The following DNAJC4 variants were observed in gnomAD, a reference collection of about 807,000 sequenced individuals.
DNAJC4 encodes the protein DnaJ heat shock protein family (Hsp40) member C4.
DNAJC4 carries 26 observed loss-of-function variants against 26.8 expected under a neutral mutation model. That is an observed-to-expected ratio of 0.97 (90% CI 0.71 to 1.34). The LOEUF (loss-of-function observed/expected upper bound fraction) is 1.34, where lower values mean the gene tolerates loss of function less well. DNAJC4 is among the 40% of genes most tolerant of loss of function. The probability of loss-of-function intolerance (pLI) is 0.00; values close to 1 mark genes in which losing one functional copy is unlikely to be tolerated. For missense variants in DNAJC4, 342 were observed against 321.1 expected (o/e 1.07, Z -0.50); for synonymous variants, 134 against 127.8 (o/e 1.05, Z -0.33).
chr11:64,231,654 T>C (rs1441190990), intron 1 of DNAJC4: 17 of 522,218 alleles, frequency 3.3e-5, no homozygotes, highest in Non-Finnish European at 2.0e-5. Context: ...ATCAGTTTTT[T>C]CCAACAAGTT....
In DNAJC4 at chr11:64,234,205, C is replaced by T. The variant is rs780541959; in HGVS notation, c.*21C>T. 6 of 1,539,794 alleles carry T rather than the reference C, an allele frequency of 3.9e-6. No homozygotes were observed. The highest frequency in any genetic ancestry group is 2.0e-4 in the Middle Eastern group (1 of 4,938). ...CCTGAGGGGCTCACCTGGATGGGGC[C>T]TGCAGTGCGTTCCCGCTTTGCTTCC... On this transcript the variant is annotated 3_prime_UTR_variant, in exon 6 of 6. Transcript: ENST00000628077. The surrounding 1 kb of genome is among the most constrained non-coding windows in gnomAD (Gnocchi z 5.3).
chr11:64,233,375 A>G (rs551727059), intron 4 of DNAJC4: 7 of 159,826 alleles, frequency 4.4e-5, no homozygotes, highest in African/African-American at 1.7e-4. Context: ...AGTAGCTGGG[A>G]CTACAGGCGT....
intron 1 of DNAJC4, 120 bp downstream of exon 1, chr11:64,231,060 C>A: frequency 8.0e-7 from 1 of 1,249,536 alleles, no homozygotes; most frequent in Non-Finnish European, 1.1e-6. Flanking sequence ...TCAGGTAACC[C>A]TCGCCTTCCC....
In DNAJC4 at chr11:64,232,163, T is replaced by G. The variant is rs1234238960; in HGVS notation, c.180+199T>G. 9 of 712,846 alleles carry G rather than the reference T, an allele frequency of 1.3e-5. No individual in the cohort carries two copies. The African/African-American group carries it at 1.4e-4, about 11-fold the overall frequency. The allele number at this position is 712,846 out of a possible 1,614,324, so 44.2% of individuals were successfully genotyped here. ...TCCTGTCTGATGGGCTGGGCTTGGT[T>G]TTCTTGACCTGCCTGCCTGCTCTTG... On this transcript the variant is annotated intron_variant, in intron 2 of 5. Transcript: ENST00000628077.
rs768979824 is a variant in DNAJC4 at position 64,232,582 on chromosome 11, A to C, written c.333A>C (p.Thr111=). The change falls in exon 3 of 6, where the codon ACA becomes ACC. Residue 111 remains threonine (T), a synonymous_variant. Transcript: ENST00000628077. ...GTCCCCCAAAGTCTCCACGAACCACAGTCCATGACAAGTCTGCCCACCAAA... is the reference window on the plus strand; with the variant it reads ...GTCCCCCAAAGTCTCCACGAACCACCGTCCATGACAAGTCTGCCCACCAAA... The part of the protein sequence containing the change: ...SGSPPKSPRT[T]VHDKSAHQTH... 3.7e-6 allele frequency: 6 copies of C among 1,606,814 alleles called. No homozygotes were observed. Among genetic ancestry groups the C allele is most frequent in the Non-Finnish European group, 2.6e-6 (3 of 1,174,654 alleles).
intron 1 of DNAJC4, chr11:64,231,251 C>CA: frequency 2.2e-6 from 1 of 452,478 alleles, no homozygotes; most frequent in South Asian, 2.1e-5. Context: ...GTGTCGGGTA[C>CA]AAAATCCAGA....
chr11:64,232,449 C>G lies in DNAJC4; in HGVS notation c.200C>G (p.Pro67Arg), dbSNP rs1353247206. 1.9e-6 allele frequency: 3 copies of G among 1,595,324 alleles called. No homozygotes were observed. The highest frequency in any genetic ancestry group is 1.3e-5 in the African/African-American group (1 of 74,514). Reference sequence around the variant, plus strand: ...CCCCAGCTGCACCCAGACCGGGACCCTGGGAACCCAAGCCTGCACAGCCGC... The same window carrying G: ...CCCCAGCTGCACCCAGACCGGGACCGTGGGAACCCAAGCCTGCACAGCCGC... ...KSKELHPDRD[P>R]GNPSLHSRFV... The change falls in exon 3 of 6, where the codon CCT (proline) becomes CGT (arginine). Residue 67 changes from proline (P) to arginine (R), a missense_variant. Transcript: ENST00000628077.
intron 4 of DNAJC4, chr11:64,233,519 G>A (rs926140145): frequency 1.3e-5 from 3 of 225,668 alleles, no homozygotes; most frequent in African/African-American, 6.7e-5. Flanking sequence ...GGGATTACAG[G>A]TGAGAGCTAC....
At chr11:64,233,533 G>T (rs935369475) in intron 4 of DNAJC4, 2 of 246,892 alleles carry the variant, frequency 8.1e-6, no homozygotes, top group Non-Finnish European at 1.6e-5. Flanking sequence ...GAGCTACCGC[G>T]CCTGGCCACA....
At chr11:64,233,872 G>T in intron 4 of DNAJC4, 22 bp from the exon 5 acceptor site, 1 of 1,610,824 alleles carries the variant, frequency 6.2e-7, no homozygotes, top group Non-Finnish European at 8.5e-7. Flanking sequence ...GGATTCCCAG[G>T]GTTAATTGTG....
upstream of DNAJC4, chr11:64,230,499 G>A: frequency 3.5e-6 from 2 of 567,582 alleles, no homozygotes; most frequent in South Asian, 3.1e-5. Flanking sequence ...CGCAGGAAAT[G>A]GCGACGGCCG....
chr11:64,233,767 T>A lies in DNAJC4; in HGVS notation c.528-127T>A. 2.3e-6 allele frequency: 3 copies of A among 1,298,238 alleles called. No individual in the cohort carries two copies. In the South Asian group the frequency reaches 4.2e-5, roughly 18 times the overall value. 80.4% of individuals were successfully genotyped at this position (1,298,238 alleles called of 1,614,324 possible). Reference sequence around the variant, plus strand: ...CCCTCCCTATCTATCACAGGAAGGGTTAGACTGAGGTTCCTAACCCTGTGT... The same window carrying A: ...CCCTCCCTATCTATCACAGGAAGGGATAGACTGAGGTTCCTAACCCTGTGT... On this transcript the variant is annotated intron_variant, in intron 4 of 5. Transcript: ENST00000628077.
Position 64,231,888 on chromosome 11 carries a change from A to T in DNAJC4, c.104A>T (p.Tyr35Phe), listed in dbSNP as rs191385159. ...GTCCACAGGTCCAGACCCAGTACTT[A>T]TTATGAACTGTTGGGGGTGCATCCT... ...AAGQRSRPST[Y>F]YELLGVHPGA... The change falls in exon 2 of 6, where the codon TAT becomes TTT. Residue 35 changes from tyrosine (Y) to phenylalanine (F), a missense_variant. By Grantham distance (22) the Tyr-to-Phe change is conservative (BLOSUM62 3). Transcript: ENST00000628077. 6.2e-7 allele frequency: 1 copy of T among 1,609,824 alleles called. No homozygotes were observed. The highest frequency in any genetic ancestry group is 1.3e-5 in the African/African-American group (1 of 74,980).
rs770747108 is a variant in DNAJC4, at chr11:64,232,762, G to C, written c.424G>C (p.Gly142Arg). The change falls in exon 4 of 6, where the codon GGG becomes CGG. Residue 142 changes from glycine to arginine, a missense_variant. By Grantham distance (125) the Gly-to-Arg change is moderately radical (BLOSUM62 -2). Transcript: ENST00000628077. Reference sequence around the variant, plus strand: ...CCAGTTTCACAGCGTGAGGCCACAGGGGCCCCAGTTGAGGCAGCAGCAACA... The same window carrying C: ...CCAGTTTCACAGCGTGAGGCCACAGCGGCCCCAGTTGAGGCAGCAGCAACA... ...WSQFHSVRPQ[G>R]PQLRQQQHKQ... 1 of 1,613,162 alleles carries C rather than the reference G, an allele frequency of 6.2e-7. No homozygotes were observed.
chr11:64,233,205 C>T (rs1309622820), intron 4 of DNAJC4, among the ~76,000 whole-genome samples: 1 of 152,036 alleles, frequency 6.6e-6, no homozygotes, highest in Non-Finnish European at 1.5e-5. Context: ...TCACGCGTGC[C>T]ACGGAGCTGA....
Position 64,234,262 on chromosome 11 carries a change from G to A in DNAJC4, c.*78G>A, listed in dbSNP as rs1947217110. On this transcript the variant is annotated 3_prime_UTR_variant, in exon 6 of 6. Transcript: ENST00000628077. The surrounding 1 kb of genome is among the most constrained non-coding windows in gnomAD (Gnocchi z 5.3). ...GGACGGCCCGCTCCCCGAAACGCGC[G>A]CAATAAAGTGATTCGCAGAGCTCGT... 2 of 1,480,768 alleles carry A rather than the reference G, an allele frequency of 1.4e-6. No individual in the cohort carries two copies. The highest frequency in any genetic ancestry group is 1.4e-5 in the African/African-American group (1 of 71,428). The allele number at this position is 1,480,768 out of a possible 1,614,324, so 91.7% of individuals were successfully genotyped here. A position where few individuals can be genotyped will look rare whatever the true frequency, so the allele number is the denominator to read the frequency against.
At chr11:64,232,925 G>A in intron 4 of DNAJC4, 60 bp downstream of exon 4, 1 of 1,498,522 alleles carries the variant, frequency 6.7e-7, no homozygotes. Flanking sequence ...GAATTCCAGT[G>A]TGGTCAGCCA....
In DNAJC4 at chr11:64,232,447, C is replaced by T. The variant is rs781520025; in HGVS notation, c.198C>T (p.Asp66=). Residue 66 remains aspartate (D), a synonymous_variant, in exon 3 of 6, where the codon GAC becomes GAT. Coordinates refer to ENST00000628077, the MANE Select transcript of DNAJC4 (RefSeq NM_005528.4). The part of the protein sequence containing the change: ...SKSKELHPDR[D]PGNPSLHSRF... The stretch of plus-strand genomic sequence containing the variant: ...CACCCCAGCTGCACCCAGACCGGGA[C>T]CCTGGGAACCCAAGCCTGCACAGCC... 10 of 1,594,122 alleles carry T rather than the reference C, an allele frequency of 6.3e-6. No individual in the cohort carries two copies. Among genetic ancestry groups the T allele is most frequent in the African/African-American group, 2.7e-5 (2 of 74,496 alleles).
At chr11:64,233,754 A>G in intron 4 of DNAJC4, 140 bp from the exon 5 acceptor site, 1 of 1,165,802 alleles carries the variant, frequency 8.6e-7, no homozygotes, top group Non-Finnish European at 1.2e-6. Context: ...CTCCCTATCT[A>G]TCACAGGAAG....
Sources: allele counts gnomAD v4.1 joint callset (sites outside exome capture counted in the v4.1 genomes callset), GRCh38; gene constraint gnomAD v4.1.1; non-coding constraint Gnocchi (gnomAD v3.1); transcripts MANE v1.5; gene names NCBI Gene and HGNC (gene_info 2026-07-23, HGNC 2026-07-21).